Variants in FGFR1 observed in about 807,000 individuals in gnomAD.
The protein encoded by FGFR1 is fibroblast growth factor receptor 1.
A neutral mutation model predicts 93.7 loss-of-function variants in FGFR1; 18 were observed. The observed-to-expected ratio is 0.19, with a 90% CI of 0.13 to 0.28. FGFR1 has a LOEUF of 0.28. Among genes scored for constraint, FGFR1 ranks in the 10% least tolerant of loss-of-function variants. The pLI is 1.00. For synonymous variants in FGFR1, 448 were observed against 429.3 expected (o/e 1.04, Z -0.54); for missense variants, 731 against 1,080.4 (o/e 0.68, Z 4.53).
chr8:38,445,685 C>T (rs1244058824), intron 2 of FGFR1, among the ~76,000 whole-genome samples: 1 of 151,842 alleles, frequency 6.6e-6, no homozygotes, highest in African/African-American at 2.4e-5. Context: ...ATTACAGGCG[C>T]CTGCCATCAC....
At position 38,432,322 on chromosome 8, in the gene FGFR1, C is replaced by T. The variant is rs1416017287; in HGVS notation, c.92-2374G>A. Among the ~76,000 whole-genome samples, 5 of 152,160 alleles carry T rather than the reference C, an allele frequency of 3.3e-5. No individual in the cohort carries two copies. In the South Asian group the frequency reaches 8.3e-4, roughly 25 times the overall value. On this transcript the variant is annotated intron_variant, in intron 2 of 17. Transcript: ENST00000447712. Reference sequence around the variant, plus strand: ...GCCTCAAGAACCAGCTCGCTTTCCTCCTGATGCAAGTTTAGACCCCGGTTC... The same window carrying T: ...GCCTCAAGAACCAGCTCGCTTTCCTTCTGATGCAAGTTTAGACCCCGGTTC...
At chr8:38,467,262 G>C (rs1208502271) in intron 1 of FGFR1, among the ~76,000 whole-genome samples, 1 of 151,972 alleles carries the variant, frequency 6.6e-6, no homozygotes, top group African/African-American at 2.4e-5. Flanking sequence ...CAAGTCATAA[G>C]ATCACCCCTT....
chr8:38,440,474 G>T, intron 2 of FGFR1: 1 of 952,164 alleles, frequency 1.1e-6, no homozygotes, highest in Non-Finnish European at 1.5e-6. Context: ...GCACAGGTAT[G>T]TGTGGAAAGA....
Position 38,413,537 on chromosome 8 carries a change from G to T in FGFR1, c.*91C>A. 1 of 1,416,538 alleles carries T rather than the reference G, an allele frequency of 7.1e-7. No homozygotes were observed. The highest frequency in any genetic ancestry group is 9.6e-7 in the Non-Finnish European group (1 of 1,045,366). 87.7% of individuals were successfully genotyped at this position (1,416,538 alleles called of 1,614,324 possible). On this transcript the variant is annotated 3_prime_UTR_variant, in exon 18 of 18. Transcript: ENST00000447712. This position sits in a 1 kb window ranked among gnomAD's most constrained non-coding sequence, Gnocchi z 4.2. The stretch of plus-strand genomic sequence containing the variant: ...AGCCGGCTCCTGCCAGCAGGAAAGG[G>T]GACAGGGACGGACAGGTGGTGGGCC...
rs762104979 is a variant in FGFR1 at position 38,414,985 on chromosome 8, C to T, written c.1855-84G>A. On this transcript the variant is annotated intron_variant, in intron 13 of 17. Coordinates refer to ENST00000447712, the MANE Select transcript of FGFR1 (RefSeq NM_023110.3). ...GGCGGCCGCCACCCATGCAACTAGC[C>T]GACTTGTCTCATAGAACTTCTGCCA... is the stretch of plus-strand genomic sequence containing the variant. 7.1e-5 allele frequency: 79 copies of T among 1,113,528 alleles called. No individual in the cohort carries two copies. In the Admixed American group the frequency reaches 7.2e-4, roughly 10 times the overall value. The allele number at this position is 1,113,528 out of a possible 1,614,324, so 69.0% of individuals were successfully genotyped here. A position where few individuals can be genotyped will look rare whatever the true frequency, so the allele number is the denominator to read the frequency against.
chr8:38,416,085 T>C (rs1369282026), intron 12 of FGFR1, 25 bp from the exon 13 acceptor site: 3 of 1,599,500 alleles, frequency 1.9e-6, no homozygotes, highest in Non-Finnish European at 1.7e-6. Context: ...GAAGAGGCCA[T>C]GGGGCCAGCA....
At position 38,424,439 on chromosome 8, in the gene FGFR1, G is replaced by A. The variant is rs1819998550; in HGVS notation, c.936+70C>T. 1.3e-6 allele frequency: 2 copies of A among 1,575,580 alleles called. No homozygotes were observed. The highest frequency in any genetic ancestry group is 8.7e-7 in the Non-Finnish European group (1 of 1,145,436). ...CGGGGGCAACTGAGCCTGCCCACAG[G>A]AACTTGAGCCCCCGAGACAGTGGTC... On this transcript the variant is annotated intron_variant, in intron 7 of 17. Coordinates refer to ENST00000447712, the MANE Select transcript of FGFR1 (RefSeq NM_023110.3). The surrounding 1 kb of genome is among the most constrained non-coding windows in gnomAD (Gnocchi z 4.3).
chr8:38,432,914 C>T (rs533070866), intron 2 of FGFR1, among the ~76,000 whole-genome samples: 1 of 139,660 alleles, frequency 7.2e-6, no homozygotes, highest in Non-Finnish European at 1.6e-5. Flanking sequence ...CCGCGCCCCC[C>T]CCCCTCCCCA....
At chr8:38,430,048 C>A (rs986986368) in intron 2 of FGFR1, 100 bp from the exon 3 acceptor site, 7 of 1,199,516 alleles carry the variant, frequency 5.8e-6, no homozygotes, top group Non-Finnish European at 6.9e-6. Flanking sequence ...GCTGGCCACA[C>A]GGAGCCGCAC....
In FGFR1 at chr8:38,411,840, G is replaced by GT. The variant is rs1303982780; in HGVS notation, c.*1787dup. On this transcript the variant is annotated 3_prime_UTR_variant, in exon 18 of 18. Coordinates refer to ENST00000447712, the MANE Select transcript of FGFR1 (RefSeq NM_023110.3). ...GGATGGAGTTTGGACAGGAAGAACT[G>GT]TAAGAAGCCAAGATCTGCGACAGTC... is the stretch of plus-strand genomic sequence containing the variant. 4.4e-6 allele frequency: 1 copy of GT among 228,734 alleles called. No homozygotes were observed. The highest frequency in any genetic ancestry group is 1.8e-4 in the South Asian group (1 of 5,486). 14.2% of individuals were successfully genotyped at this position (228,734 alleles called of 1,614,324 possible).
rs183381010 is a variant in FGFR1 at position 38,448,918 on chromosome 8, G to A, written c.91+8438C>T. On this transcript the variant is annotated intron_variant, in intron 2 of 17. Coordinates refer to ENST00000447712, the MANE Select transcript of FGFR1 (RefSeq NM_023110.3). The stretch of plus-strand genomic sequence containing the variant: ...TGCAGTGAGCCGAGATCGCGCCACT[G>A]CACTCCAGCCTGGATGACTAAGCGA... Among the ~76,000 whole-genome samples the A allele has an allele frequency of 7.4e-4, 112 of 152,248 alleles. No homozygotes were observed. The East Asian group carries it at 0.018, about 25-fold the overall frequency.
chr8:38,430,006 GA>G (rs1822398246), intron 2 of FGFR1, 58 bp from the exon 3 acceptor site: 2 of 1,496,444 alleles, frequency 1.3e-6, no homozygotes, highest in African/African-American at 1.4e-5. Flanking sequence ...AAGACAGGGA[GA>G]GGGGAGGAGG....
At chr8:38,452,339 T>C (rs1400522040) in intron 2 of FGFR1, among the ~76,000 whole-genome samples, 2 of 152,082 alleles carry the variant, frequency 1.3e-5, no homozygotes, top group Non-Finnish European at 2.9e-5. Flanking sequence ...AAGCCCTTAA[T>C]ACATAGATTA....
At chr8:38,461,969 CT>C (rs984555474) in intron 1 of FGFR1, among the ~76,000 whole-genome samples, 4 of 152,306 alleles carry the variant, frequency 2.6e-5, no homozygotes, top group Admixed American at 2.0e-4. Flanking sequence ...GCATTTCTCA[CT>C]CTCCATCTTC....
At chr8:38,437,593 G>A (rs1054290597) in intron 2 of FGFR1, among the ~76,000 whole-genome samples, 1 of 152,186 alleles carries the variant, frequency 6.6e-6, no homozygotes, top group South Asian at 2.1e-4. Context: ...TGTCTGGGGG[G>A]AACAGAAGAG....
intron 2 of FGFR1, among the ~76,000 whole-genome samples, chr8:38,441,715 AT>A (rs1440379836): frequency 1.3e-5 from 2 of 152,216 alleles, no homozygotes; most frequent in Non-Finnish European, 2.9e-5. Flanking sequence ...TTGTGTCACC[AT>A]TTCACATTTA....
intron 13 of FGFR1, 145 bp downstream of exon 13, chr8:38,415,725 G>C (rs1816286348): frequency 1.2e-6 from 1 of 838,240 alleles, no homozygotes; most frequent in East Asian, 2.7e-5. Context: ...AGTTCCCAGA[G>C]AGCCTAAGAC....
intron 11 of FGFR1, among the ~76,000 whole-genome samples, 196 bp downstream of exon 11, chr8:38,417,674 C>T (rs901531505): frequency 6.6e-6 from 1 of 152,116 alleles, no homozygotes; most frequent in Non-Finnish European, 1.5e-5. Context: ...CCCAGGTTGA[C>T]GCCAAGGAAC....
intron 2 of FGFR1, among the ~76,000 whole-genome samples, chr8:38,449,599 C>G (rs900000077): frequency 6.6e-6 from 1 of 152,208 alleles, no homozygotes; most frequent in Non-Finnish European, 1.5e-5. Context: ...ACCCTCTCAC[C>G]CACTTCAGGC....
Sources: allele counts gnomAD v4.1 joint callset (sites outside exome capture counted in the v4.1 genomes callset), GRCh38; gene constraint gnomAD v4.1.1; non-coding constraint Gnocchi (gnomAD v3.1); transcripts MANE v1.5; gene names NCBI Gene and HGNC (gene_info 2026-07-23, HGNC 2026-07-21).